The following ACSF3 variants were observed in gnomAD, a reference collection of about 807,000 sequenced individuals.
ACSF3 encodes the protein acyl-CoA synthetase family member 3.
ACSF3 carries 78 observed loss-of-function variants against 53.2 expected under a neutral mutation model. The observed-to-expected ratio is 1.47, with a 90% CI of 1.22 to 1.77. The LOEUF is 1.77. Among genes scored for constraint, ACSF3 ranks in the 40% most tolerant of loss-of-function variants. The pLI, the probability that ACSF3 is intolerant of heterozygous loss-of-function variation, is 0.00. For missense variants in ACSF3, 937 were observed against 771.1 expected (o/e 1.22, Z -2.55); for synonymous variants, 414 against 333.1 (o/e 1.24, Z -2.65).
Position 89,134,727 on chromosome 16 carries a change from C to A in ACSF3, c.1366+1465C>A, listed in dbSNP as rs2151526427. On this transcript the variant is annotated intron_variant, in intron 8 of 10. Coordinates refer to ENST00000614302, the MANE Select transcript of ACSF3 (RefSeq NM_001243279.3). Reference sequence around the variant, plus strand: ...GGCTATTGTTTACCTCCTGTTTTAGCCTAATTAGCATTTTAGTGAGCTCGC... The same window carrying A: ...GGCTATTGTTTACCTCCTGTTTTAGACTAATTAGCATTTTAGTGAGCTCGC... Among the ~76,000 whole-genome samples the A allele has an allele frequency of 2.0e-5, 3 of 152,366 alleles. No individual in the cohort carries two copies. In the Middle Eastern group the frequency reaches 0.01, roughly 518 times the overall value.
chr16:89,124,485 C>T lies in ACSF3; in HGVS notation c.1239+3572C>T, dbSNP rs370537045. On this transcript the variant is annotated intron_variant, in intron 7 of 10. Coordinates refer to ENST00000614302, the MANE Select transcript of ACSF3 (RefSeq NM_001243279.3). ...TGCGCATGTGTGATACCCGTGCACA[C>T]ACTGAGTGTGTGTTACCTGTGCACA... Among the ~76,000 whole-genome samples, 651 of 73,836 alleles carry T rather than the reference C, an allele frequency of 8.8e-3. 2 individuals are homozygous for T. Among genetic ancestry groups the T allele is most frequent in the African/African-American group, 0.025 (615 of 24,440 alleles). The allele number at this position is 73,836 out of a possible 152,430, so 48.4% of individuals were successfully genotyped here.
intron 8 of ACSF3, among the ~76,000 whole-genome samples, chr16:89,137,428 G>A (rs369202266): frequency 7.1e-4 from 89 of 125,442 alleles, no homozygotes; most frequent in African/African-American, 1.2e-3. Context: ...TCACGGGGAA[G>A]GATTGAGGGG....
At chr16:89,143,052 T>C (rs1011067526) in intron 8 of ACSF3, among the ~76,000 whole-genome samples, 1 of 152,198 alleles carries the variant, frequency 6.6e-6, no homozygotes, top group Non-Finnish European at 1.5e-5. Context: ...GGAAGAAAAT[T>C]GCTCCATAAA....
chr16:89,145,671 G>A (rs1030196931), intron 9 of ACSF3, among the ~76,000 whole-genome samples: 1 of 152,202 alleles, frequency 6.6e-6, no homozygotes, highest in Non-Finnish European at 1.5e-5. Flanking sequence ...CTGCAGGAAG[G>A]TGGCAGGGAG....
chr16:89,109,404 T>G (rs1028526963), intron 4 of ACSF3, among the ~76,000 whole-genome samples: 2 of 4,862 alleles, frequency 4.1e-4, no homozygotes, highest in African/African-American at 9.8e-4. Flanking sequence ...GATGTTAAGC[T>G]TTTTTTTTTT....
chr16:89,118,020 C>T (rs1287698051), intron 6 of ACSF3, among the ~76,000 whole-genome samples: 4 of 62,214 alleles, frequency 6.4e-5, no homozygotes, highest in African/African-American at 1.7e-4. Context: ...TTCCCTCAGG[C>T]GCCAGGGACG....
rs529694992 is a variant in ACSF3 at position 89,146,774 on chromosome 16, G to A, written c.1613+725G>A. On this transcript the variant is annotated intron_variant, in intron 10 of 10. Transcript: ENST00000614302. Reference sequence around the variant, plus strand: ...TTTCCCCAAGGACTTTCTCCCACCTGTCTCACCCCCAGTGGTTTCTGATGC... The same window carrying A: ...TTTCCCCAAGGACTTTCTCCCACCTATCTCACCCCCAGTGGTTTCTGATGC... Among the ~76,000 whole-genome samples the A allele has an allele frequency of 5.1e-4, 78 of 152,154 alleles. 1 individual carries two copies. The highest frequency in any genetic ancestry group is 1.7e-3 in the African/African-American group (71 of 41,470).
rs766851262 is a variant in ACSF3, at chr16:89,146,001, T to G, written c.1565T>G (p.Leu522Arg). ...WGQRVTAVVT[L>R]REGHSLSHRE... is the part of the protein sequence containing the mutation. ...CAGCGGGTCACTGCTGTGGTGACCC[T>G]CCGAGAAGGACACTCACTGTCCCAC... The change falls in exon 10 of 11, where the codon CTC (leucine) becomes CGC (arginine). Residue 522 changes from leucine to arginine, a missense_variant. By Grantham distance (102) the Leu-to-Arg change is moderately radical. Transcript: ENST00000614302. 9 of 1,411,056 alleles carry G rather than the reference T, an allele frequency of 6.4e-6. No homozygotes were observed. The Admixed American group carries it at 1.7e-4, about 26-fold the overall frequency. 87.4% of individuals were successfully genotyped at this position (1,411,056 alleles called of 1,614,324 possible). A position where few individuals can be genotyped will look rare whatever the true frequency, so the allele number is the denominator to read the frequency against.
At chr16:89,127,054 C>T (rs962212916) in intron 7 of ACSF3, among the ~76,000 whole-genome samples, 1 of 152,130 alleles carries the variant, frequency 6.6e-6, no homozygotes, top group South Asian at 2.1e-4. Context: ...AGCTTTCATT[C>T]CCAGGACAAA....
intron 6 of ACSF3, among the ~76,000 whole-genome samples, chr16:89,120,536 G>C (rs567294903): frequency 6.6e-6 from 1 of 152,266 alleles, no homozygotes. Flanking sequence ...AGCGTGCCAC[G>C]TGAGTGCCTG....
At chr16:89,109,502 C>T (rs979201596) in intron 4 of ACSF3, among the ~76,000 whole-genome samples, 5 of 147,828 alleles carry the variant, frequency 3.4e-5, no homozygotes, top group Non-Finnish European at 5.9e-5. Context: ...ATCTCCGCCT[C>T]CTGGGTTCAA....
chr16:89,155,380 A>C lies in ACSF3; in HGVS notation c.*1173A>C, dbSNP rs61507207. The C allele has an allele frequency of 0.027, 12,022 of 451,922 alleles. 381 individuals carry two copies. The highest frequency in any genetic ancestry group is 0.13 in the East Asian group (1,913 of 14,322). 28.0% of individuals were successfully genotyped at this position (451,922 alleles called of 1,614,324 possible). ...GTGCCTCTGACAGGAGACCAGCCCC[A>C]TCTCAGGCTCACATGCCTCGCGGAC... is the stretch of plus-strand genomic sequence containing the variant. On this transcript the variant is annotated 3_prime_UTR_variant, in exon 11 of 11. Coordinates refer to ENST00000614302, the MANE Select transcript of ACSF3 (RefSeq NM_001243279.3).
At chr16:89,103,113 T>G (rs1975562714) in intron 4 of ACSF3, among the ~76,000 whole-genome samples, 1 of 152,238 alleles carries the variant, frequency 6.6e-6, no homozygotes, top group Non-Finnish European at 1.5e-5. Context: ...AAGTGCTCTC[T>G]CTCTTCAAAA....
In ACSF3 at chr16:89,094,504, G is replaced by A. The variant is rs573063449; in HGVS notation, c.-194+508G>A. 5.9e-5 allele frequency among the ~76,000 whole-genome samples: 9 copies of A among 152,294 alleles called. No homozygotes were observed. In the South Asian group the frequency reaches 1.7e-3, roughly 28 times the overall value. On this transcript the variant is annotated intron_variant, in intron 1 of 10. Coordinates refer to ENST00000614302, the MANE Select transcript of ACSF3 (RefSeq NM_001243279.3). ...GCGGCCGGCCGTGAAGTATTTGGAA[G>A]GTACTGCAGGCAGCCCATTCCCTGG...
chr16:89,141,362 C>T (rs1002393661), intron 8 of ACSF3: 11 of 1,229,164 alleles, frequency 8.9e-6, no homozygotes, highest in Non-Finnish European at 1.2e-5. Context: ...GAAGCTAGAA[C>T]AAAGCCTGAC....
intron 4 of ACSF3, among the ~76,000 whole-genome samples, chr16:89,109,403 CTTTTTTTTT>C (rs1216544572): frequency 2.0e-5 from 1 of 50,648 alleles, no homozygotes; most frequent in Admixed American, 3.5e-4. Context: ...TGATGTTAAG[CTTTTTTTTT>C]TTTTTTTTTT....
chr16:89,133,875 G>A (rs183395455), intron 8 of ACSF3, among the ~76,000 whole-genome samples: 35 of 152,340 alleles, frequency 2.3e-4, no homozygotes, highest in Non-Finnish European at 3.5e-4. Context: ...GGAAGCCTGT[G>A]GCGGTCAGGA....
intron 8 of ACSF3, among the ~76,000 whole-genome samples, chr16:89,141,978 G>A (rs545263354): frequency 6.6e-6 from 1 of 152,166 alleles, no homozygotes; most frequent in African/African-American, 2.4e-5. Flanking sequence ...CAGTGCTGCT[G>A]GGGGAGTCTC....
intron 9 of ACSF3, 146 bp downstream of exon 9, chr16:89,145,547 C>A: frequency 9.4e-7 from 1 of 1,066,564 alleles, no homozygotes; most frequent in Non-Finnish European, 1.3e-6. Flanking sequence ...CCTGCCCTGG[C>A]CAGGGAACAT....
Sources: gnomAD v4.1 joint callset for allele counts (sites outside exome capture counted in the v4.1 genomes callset) on GRCh38, gnomAD v4.1.1 for gene constraint, MANE v1.5 for transcripts, NCBI Gene and HGNC (gene_info 2026-07-23, HGNC 2026-07-21) for gene names.